TOGARAM1: variants seen among roughly 807,000 people sequenced by gnomAD.
TOGARAM1 encodes the protein TOG array regulator of axonemal microtubules protein 1.
A neutral mutation model predicts 166.6 loss-of-function variants in TOGARAM1; 100 were observed. The observed-to-expected ratio is 0.60, with a 90% confidence interval of 0.51 to 0.71. The LOEUF (loss-of-function observed/expected upper bound fraction) is 0.71. Among genes scored for constraint, TOGARAM1 ranks in the 30% least tolerant of loss-of-function variants. The pLI, the probability that TOGARAM1 is intolerant of heterozygous loss-of-function variation, is 0.00. For missense variants in TOGARAM1, 2,029 were observed against 2,102.7 expected, an observed-to-expected ratio of 0.96 and a Z score of 0.69; for synonymous variants, 758 against 763.8, an observed-to-expected ratio of 0.99 and a Z score of 0.13.
At chr14:45,058,753 T>C (rs1310310110) in intron 16 of TOGARAM1, among the ~76,000 whole-genome samples, 3 of 152,208 alleles carry the variant, frequency 2.0e-5, no homozygotes, top group African/African-American at 7.2e-5. Context: ...AAGGTTAATA[T>C]TGATATGTGA....
chr14:45,057,166 T>TG (rs1882680511), intron 16 of TOGARAM1, among the ~76,000 whole-genome samples: 1 of 152,164 alleles, frequency 6.6e-6, no homozygotes, highest in South Asian at 2.1e-4. Context: ...GATCCCTTGT[T>TG]TATTCTGTCG....
At position 45,008,341 on chromosome 14, in the gene TOGARAM1, C is replaced by T. The variant is rs1566629475; in HGVS notation, c.2905-572C>T. Among the ~76,000 whole-genome samples the T allele has an allele frequency of 2.0e-5, 3 of 150,784 alleles. No homozygotes were observed. The South Asian group carries it at 6.2e-4, about 31-fold the overall frequency. On this transcript the variant is annotated intron_variant, in intron 5 of 19. Transcript: ENST00000361462. ...GCAACCTTTGCCTCCCAGGTTCAAG[C>T]GATTCTTGTGCCTCAGCCTCACAAA...
At chr14:45,009,918 T>C (rs1175369335) in intron 6 of TOGARAM1, among the ~76,000 whole-genome samples, 2 of 152,186 alleles carry the variant, frequency 1.3e-5, no homozygotes, top group Admixed American at 6.5e-5. Context: ...ATATTTAACT[T>C]TTTAAGTAAC....
chr14:45,009,203 C>A, intron 6 of TOGARAM1, 58 bp downstream of exon 6: 2 of 1,224,260 alleles, frequency 1.6e-6, no homozygotes, highest in Non-Finnish European at 2.3e-6. Flanking sequence ...GATTTAGAGC[C>A]CTAATATCAT....
intron 11 of TOGARAM1, among the ~76,000 whole-genome samples, chr14:45,037,950 A>G (rs1881520120): frequency 1.3e-5 from 2 of 151,998 alleles, no homozygotes; most frequent in South Asian, 4.2e-4. Flanking sequence ...CCCAGGAGTC[A>G]GAGGTTATAG....
At chr14:45,020,498 C>A (rs1391360956) in intron 7 of TOGARAM1, among the ~76,000 whole-genome samples, 1 of 152,188 alleles carries the variant, frequency 6.6e-6, no homozygotes, top group Non-Finnish European at 1.5e-5. Context: ...CATGCCAGTA[C>A]CTAATCTGCC....
intron 3 of TOGARAM1, among the ~76,000 whole-genome samples, chr14:45,001,888 C>A (rs1486498052): frequency 6.6e-6 from 1 of 152,154 alleles, no homozygotes; most frequent in Non-Finnish European, 1.5e-5. Flanking sequence ...GGTTATCAGT[C>A]AGGAATTTGG....
intron 5 of TOGARAM1, among the ~76,000 whole-genome samples, chr14:45,008,319 A>ACCT (rs1307801472): frequency 6.6e-6 from 1 of 151,214 alleles, no homozygotes; most frequent in African/African-American, 2.4e-5. Flanking sequence ...GCTCATTGCA[A>ACCT]CCTTTGCCTC....
At chr14:44,972,885 T>C (rs1885964695) in intron 1 of TOGARAM1, among the ~76,000 whole-genome samples, 1 of 152,126 alleles carries the variant, frequency 6.6e-6, no homozygotes, top group Admixed American at 6.5e-5. Flanking sequence ...TAACGTTATT[T>C]TGTTCAACAT....
At position 45,009,106 on chromosome 14, in the gene TOGARAM1, C is replaced by T; in HGVS notation, c.3098C>T (p.Thr1033Ile). 13 of 1,614,046 alleles carry T rather than the reference C, an allele frequency of 8.1e-6. No individual in the cohort carries two copies. Among genetic ancestry groups the T allele is most frequent in the Non-Finnish European group, 1.1e-5 (13 of 1,179,928 alleles). The change falls in exon 6 of 20, where the codon ACT (threonine) becomes ATT (isoleucine). Residue 1033 changes from threonine (T) to isoleucine (I), a missense_variant. By Grantham distance (89) the Thr-to-Ile change is moderately conservative. Coordinates refer to ENST00000361462, the MANE Select transcript of TOGARAM1 (RefSeq NM_001308120.2). ...GGAGTTTACAGCCAAGAATCATTGA[C>T]TTCTTCTCTGTCTACAACTCCCCAG... is the stretch of plus-strand genomic sequence containing the variant. The part of the protein sequence containing the change: ...ESGVYSQESL[T>I]SSLSTTPQGK...
chr14:45,016,006 A>G (rs1023361187), intron 7 of TOGARAM1, among the ~76,000 whole-genome samples: 2 of 152,282 alleles, frequency 1.3e-5, no homozygotes, highest in African/African-American at 2.4e-5. Flanking sequence ...AAAGAGAGAA[A>G]TGGGGAAATA....
chr14:45,042,043 C>T (rs893459331), intron 11 of TOGARAM1: 1 of 152,302 alleles, frequency 6.6e-6, no homozygotes, highest in African/African-American at 2.4e-5. Flanking sequence ...GCGTGAGCCA[C>T]TGCACCTGGC....
intron 3 of TOGARAM1, among the ~76,000 whole-genome samples, chr14:45,001,194 A>G (rs1887676466): frequency 1.3e-5 from 2 of 152,202 alleles, no homozygotes; most frequent in Non-Finnish European, 2.9e-5. Flanking sequence ...GTGACATGAT[A>G]TCTTATTGTG....
chr14:45,017,809 C>T (rs566624297), intron 7 of TOGARAM1, among the ~76,000 whole-genome samples: 4 of 152,196 alleles, frequency 2.6e-5, no homozygotes, highest in East Asian at 1.9e-4. Context: ...TGCTTGAACC[C>T]GGGAGGCGGA....
chr14:45,062,780 A>G (rs889578659), intron 16 of TOGARAM1, among the ~76,000 whole-genome samples: 3 of 152,248 alleles, frequency 2.0e-5, no homozygotes, highest in Non-Finnish European at 2.9e-5. Context: ...AAGGTAGGCT[A>G]GACGTATTGA....
chr14:45,035,159 A>G (rs1881358382), intron 11 of TOGARAM1, among the ~76,000 whole-genome samples: 1 of 152,174 alleles, frequency 6.6e-6, no homozygotes, highest in African/African-American at 2.4e-5. Context: ...AAAATGAAAC[A>G]ATGAAGCCTG....
intron 11 of TOGARAM1, among the ~76,000 whole-genome samples, chr14:45,041,395 C>A (rs1414411297): frequency 6.6e-6 from 1 of 152,094 alleles, no homozygotes; most frequent in Non-Finnish European, 1.5e-5. Context: ...AGCAAGACTC[C>A]CTCTCAAAAC....
intron 1 of TOGARAM1, among the ~76,000 whole-genome samples, chr14:44,975,877 A>G (rs1048590537): frequency 3.3e-5 from 5 of 151,428 alleles, no homozygotes; most frequent in Admixed American, 3.3e-4. Context: ...TGTTAACAAT[A>G]TAAGAATATT....
At chr14:44,984,427 A>C (rs777824648) in intron 1 of TOGARAM1, among the ~76,000 whole-genome samples, 1 of 152,016 alleles carries the variant, frequency 6.6e-6, no homozygotes, top group Non-Finnish European at 1.5e-5. Context: ...AAATTTAAAC[A>C]TAATTAACCT....
Sources: allele counts gnomAD v4.1 joint callset (sites outside exome capture counted in the v4.1 genomes callset), GRCh38; gene constraint gnomAD v4.1.1; transcripts MANE v1.5; gene names NCBI Gene and HGNC (gene_info 2026-07-23, HGNC 2026-07-21).